Variants in SLC35F4 observed in about 807,000 individuals in gnomAD.
SLC35F4 encodes chromosome 14 open reading frame 36.
SLC35F4 carries 24 observed loss-of-function variants against 44.2 expected under a neutral mutation model. The observed-to-expected ratio is 0.54, with a 90% CI of 0.39 to 0.76. The LOEUF (loss-of-function observed/expected upper bound fraction) is 0.76, where lower values mean the gene tolerates loss of function less well. Among genes scored for constraint, SLC35F4 ranks in the 30% least tolerant of loss-of-function variants. SLC35F4 has a pLI of 0.00. For synonymous variants in SLC35F4, 238 were observed against 223.6 expected, an observed-to-expected ratio of 1.06 and a Z score of -0.57; for missense variants, 562 against 586.1, an observed-to-expected ratio of 0.96 and a Z score of 0.42.
intron 1 of SLC35F4, among the ~76,000 whole-genome samples, chr14:57,677,596 CAA>C (rs2074740258): frequency 6.6e-6 from 1 of 151,816 alleles, no homozygotes; most frequent in African/African-American, 2.4e-5. Flanking sequence ...AAGGATAAGA[CAA>C]AGACATAGAT....
chr14:57,718,365 G>A (rs1294245902), intron 1 of SLC35F4, among the ~76,000 whole-genome samples: 1 of 152,138 alleles, frequency 6.6e-6, no homozygotes, highest in Non-Finnish European at 1.5e-5. Context: ...TTACCCAGCA[G>A]TGAGATTGCT....
intron 1 of SLC35F4, among the ~76,000 whole-genome samples, chr14:57,707,687 G>A (rs1245922554): frequency 1.3e-5 from 2 of 152,178 alleles, no homozygotes; most frequent in African/African-American, 4.8e-5. Context: ...AGAGACTTTG[G>A]AACTGGGTAA....
chr14:57,878,568 G>T (rs1888451968), intron 1 of SLC35F4, among the ~76,000 whole-genome samples: 1 of 152,058 alleles, frequency 6.6e-6, no homozygotes, highest in African/African-American at 2.4e-5. Context: ...TTTTATACAT[G>T]CTGTTCCCTC....
chr14:57,671,324 C>CA (rs1454421246), intron 1 of SLC35F4, among the ~76,000 whole-genome samples: 1 of 151,880 alleles, frequency 6.6e-6, no homozygotes, highest in Non-Finnish European at 1.5e-5. Flanking sequence ...GTCTCAGGTC[C>CA]AAAAGAGACC....
At position 57,865,985 on chromosome 14, in the gene SLC35F4, T is replaced by A. The variant is rs1888134553; in HGVS notation, c.-160A>T. On this transcript the variant is annotated 5_prime_UTR_variant, in exon 1 of 8. An upstream start codon of the reference 5' UTR is lost. Coordinates refer to ENST00000556826, the MANE Select transcript of SLC35F4 (RefSeq NM_001306087.2). ...CGCCCGGCGCAGCACCGGCTCCGCA[T>A]CACAGCGGCGGCGGCGGCGGCGGCG... 1 of 401,570 alleles carries A rather than the reference T, an allele frequency of 2.5e-6. No individual in the cohort carries two copies. The highest frequency in any genetic ancestry group is 4.2e-6 in the Non-Finnish European group (1 of 240,126). 24.9% of individuals were successfully genotyped at this position (401,570 alleles called of 1,614,324 possible).
In SLC35F4 at chr14:57,615,844, G is replaced by C. The variant is rs145166359; in HGVS notation, c.104-21720C>G. 1.6e-3 allele frequency among the ~76,000 whole-genome samples: 243 copies of C among 152,306 alleles called. 1 individual carries two copies. Among genetic ancestry groups the C allele is most frequent in the African/African-American group, 5.4e-3 (223 of 41,576 alleles). ...CAGCTGTGCATATAGATGGGATAGA[G>C]GGTTAGATCTGGAGCTTTGCCTGAA... On this transcript the variant is annotated intron_variant, in intron 1 of 7. Transcript: ENST00000556826.
chr14:57,773,359 C>T (rs1956681), intron 1 of SLC35F4, among the ~76,000 whole-genome samples: 4,888 of 152,222 alleles, frequency 0.032, 214 homozygotes, highest in East Asian at 0.18. Context: ...TTACTGAACC[C>T]ATCTTATGAA....
intron 1 of SLC35F4, among the ~76,000 whole-genome samples, chr14:57,940,633 C>T (rs1007922056): frequency 6.6e-6 from 1 of 152,158 alleles, no homozygotes; most frequent in Non-Finnish European, 1.5e-5. Flanking sequence ...TGAGATAAGG[C>T]GGCAGCCTAA....
At chr14:57,741,838 C>A (rs1241633210) in intron 1 of SLC35F4, among the ~76,000 whole-genome samples, 1 of 152,116 alleles carries the variant, frequency 6.6e-6, no homozygotes, top group African/African-American at 2.4e-5. Context: ...GTCGGGTTAC[C>A]CACAAAGGGA....
At chr14:57,890,319 C>A (rs1349355809) in intron 1 of SLC35F4, among the ~76,000 whole-genome samples, 1 of 152,176 alleles carries the variant, frequency 6.6e-6, no homozygotes. Flanking sequence ...GGTCAACCCG[C>A]AGACCCAAGA....
At chr14:57,981,404 A>AG (rs1566525259) in intron 1 of SLC35F4, among the ~76,000 whole-genome samples, 1 of 152,168 alleles carries the variant, frequency 6.6e-6, no homozygotes. Context: ...TTAGAGTTGA[A>AG]GTAACTGAGG....
chr14:57,621,625 T>G (rs145760712), intron 1 of SLC35F4, among the ~76,000 whole-genome samples: 22,368 of 152,208 alleles, frequency 0.15, 1,845 homozygotes, highest in East Asian at 0.21. Context: ...TGTAAAAAGC[T>G]GAAACTGGAT....
At chr14:57,622,732 G>T (rs1314839785) in intron 1 of SLC35F4, among the ~76,000 whole-genome samples, 1 of 152,040 alleles carries the variant, frequency 6.6e-6, no homozygotes, top group Non-Finnish European at 1.5e-5. Context: ...TGACGAGTTA[G>T]TGGGTGCAGC....
chr14:57,638,020 C>G (rs145311501), intron 1 of SLC35F4, among the ~76,000 whole-genome samples: 2 of 152,256 alleles, frequency 1.3e-5, no homozygotes, highest in African/African-American at 4.8e-5. Flanking sequence ...GACCTACGGT[C>G]ATACCAGGCA....
intron 1 of SLC35F4, among the ~76,000 whole-genome samples, chr14:57,747,819 T>C (rs935683081): frequency 3.3e-5 from 5 of 152,214 alleles, no homozygotes; most frequent in Non-Finnish European, 7.3e-5. Context: ...AAAGCTGACA[T>C]ATTCACATGA....
At position 57,682,110 on chromosome 14, in the gene SLC35F4, A is replaced by G. The variant is rs141078438; in HGVS notation, c.104-87986T>C. 8.9e-3 allele frequency among the ~76,000 whole-genome samples: 1,349 copies of G among 152,336 alleles called. 23 individuals are homozygous for G. Among genetic ancestry groups the G allele is most frequent in the African/African-American group, 0.03 (1,267 of 41,568 alleles). On this transcript the variant is annotated intron_variant, in intron 1 of 7. Coordinates refer to ENST00000556826, the MANE Select transcript of SLC35F4 (RefSeq NM_001306087.2). ...GGCGATTCCTCAAGGATCTAGAACT[A>G]GAAATAGCATTTGACCCAGCAATCC...
chr14:57,791,491 A>C (rs958253459), intron 1 of SLC35F4, among the ~76,000 whole-genome samples: 1 of 152,214 alleles, frequency 6.6e-6, no homozygotes, highest in Admixed American at 6.5e-5. Context: ...CAGATGCTGG[A>C]GAGGATGTGG....
At chr14:57,961,345 G>A (rs528472255) in intron 1 of SLC35F4, among the ~76,000 whole-genome samples, 1 of 152,286 alleles carries the variant, frequency 6.6e-6, no homozygotes, top group East Asian at 1.9e-4. Flanking sequence ...TTGGCAGGCT[G>A]CATTGCAGAG....
intron 7 of SLC35F4, among the ~76,000 whole-genome samples, chr14:57,565,056 A>G (rs1452221577): frequency 1.3e-5 from 2 of 152,220 alleles, no homozygotes; most frequent in Non-Finnish European, 2.9e-5. Context: ...TCCATGTTGT[A>G]GCACGTGTCA....
Sources: gnomAD v4.1 joint callset for allele counts (sites outside exome capture counted in the v4.1 genomes callset) on GRCh38, gnomAD v4.1.1 for gene constraint, MANE v1.5 for transcripts, NCBI Gene and HGNC (gene_info 2026-07-23, HGNC 2026-07-21) for gene names.